The following IL1RAPL2 variants were observed in gnomAD, a reference collection of about 807,000 sequenced individuals.
IL1RAPL2 encodes the protein interleukin 1 receptor accessory protein like 2.
In IL1RAPL2, 3 loss-of-function variants were observed where a neutral mutation model predicts 44.1. That is an observed-to-expected ratio of 0.07 (90% CI 0.03 to 0.18). The LOEUF is 0.18. Among genes scored for constraint, IL1RAPL2 ranks in the 10% least tolerant of loss-of-function variants. The pLI is 1.00. For synonymous variants in IL1RAPL2, 181 were observed against 178.8 expected (o/e 1.01, Z -0.10); for missense variants, 391 against 496.4 (o/e 0.79, Z 2.02).
rs190343052 is a variant in IL1RAPL2 at position 105,688,156 on chromosome X, C to T, written c.773-29211C>T. On this transcript the variant is annotated intron_variant, in intron 6 of 10. Transcript: ENST00000372582. ...AACTAGAAGCATTCCCTTTGAAAAC[C>T]GGCACAAGACAAGGATGCCCTCTCT... Among the ~76,000 whole-genome samples the T allele has an allele frequency of 4.9e-3, 545 of 111,423 alleles. 8 individuals carry two copies. Among genetic ancestry groups the T allele is most frequent in the African/African-American group, 0.017 (516 of 30,621 alleles).
At chrX:105,422,705 C>CA (rs2035781770) in intron 5 of IL1RAPL2, among the ~76,000 whole-genome samples, 2 of 111,324 alleles carry the variant, frequency 1.8e-5, no homozygotes, top group Admixed American at 1.9e-4. Context: ...ACGTTTTAAG[C>CA]AAAAAGTCAA....
At chrX:105,564,151 C>G (rs887475177) in intron 6 of IL1RAPL2, among the ~76,000 whole-genome samples, 7 of 111,254 alleles carry the variant, frequency 6.3e-5, no homozygotes, top group African/African-American at 2.3e-4. Context: ...TATAAGGACA[C>G]TAATCCCATT....
At chrX:105,006,507 A>G (rs2030944691) in intron 2 of IL1RAPL2, among the ~76,000 whole-genome samples, 1 of 111,261 alleles carries the variant, frequency 9.0e-6, no homozygotes, top group African/African-American at 3.3e-5. Context: ...AAGCAACATC[A>G]GCTCCTTGTA....
chrX:105,627,907 G>A (rs2037464720), intron 6 of IL1RAPL2, among the ~76,000 whole-genome samples: 1 of 111,798 alleles, frequency 8.9e-6, no homozygotes, highest in South Asian at 3.8e-4. Context: ...TTCAGGAATG[G>A]CACCTAAATT....
chrX:105,566,350 A>G (rs1040003660), intron 6 of IL1RAPL2, among the ~76,000 whole-genome samples: 1 of 111,537 alleles, frequency 9.0e-6, no homozygotes, highest in African/African-American at 3.3e-5. Context: ...AACTGATGGC[A>G]TGTGTAGCAT....
intron 2 of IL1RAPL2, among the ~76,000 whole-genome samples, chrX:104,864,147 A>T (rs186304669): frequency 1.8e-5 from 2 of 112,164 alleles, no homozygotes; most frequent in Admixed American, 1.9e-4. Flanking sequence ...GCAAACTGGC[A>T]TTCACTTAAC....
intron 7 of IL1RAPL2, among the ~76,000 whole-genome samples, chrX:105,724,131 G>A (rs2038330692): frequency 9.0e-6 from 1 of 111,245 alleles, no homozygotes; most frequent in African/African-American, 3.3e-5. Flanking sequence ...TCAATTTCCT[G>A]TGCAGCAGCT....
At chrX:105,341,713 C>T (rs913024309) in intron 5 of IL1RAPL2, among the ~76,000 whole-genome samples, 7 of 111,412 alleles carry the variant, frequency 6.3e-5, no homozygotes, top group African/African-American at 2.3e-4. Context: ...AGGCGGATCA[C>T]GAGGTCAGGA....
chrX:104,887,907 G>A (rs12391899), intron 2 of IL1RAPL2, among the ~76,000 whole-genome samples: 6,314 of 111,327 alleles, frequency 0.057, 463 homozygotes, highest in African/African-American at 0.2. Flanking sequence ...CGCCCAGTTA[G>A]CAGAACTAGT....
At chrX:105,687,284 C>T (rs1425544849) in intron 6 of IL1RAPL2, among the ~76,000 whole-genome samples, 1 of 109,369 alleles carries the variant, frequency 9.1e-6, no homozygotes, top group African/African-American at 3.3e-5. Context: ...TCAATGAATC[C>T]AGGAGCTGGT....
intron 5 of IL1RAPL2, among the ~76,000 whole-genome samples, chrX:105,441,816 T>G (rs2035922302): frequency 9.0e-6 from 1 of 110,947 alleles, no homozygotes; most frequent in African/African-American, 3.3e-5. Context: ...TGAAGTTGAC[T>G]GTATAAATGT....
intron 2 of IL1RAPL2, among the ~76,000 whole-genome samples, chrX:105,145,855 C>A (rs1205203443): frequency 9.0e-6 from 1 of 111,448 alleles, no homozygotes; most frequent in African/African-American, 3.3e-5. Context: ...ACGTTTGTGT[C>A]CCCTCCAAAA....
intron 2 of IL1RAPL2, among the ~76,000 whole-genome samples, chrX:105,123,415 GTTAGCT>G (rs1376028804): frequency 1.8e-5 from 2 of 111,262 alleles, no homozygotes; most frequent in African/African-American, 3.3e-5. Flanking sequence ...ATTTGAACCA[GTTAGCT>G]TAAATCTATC....
chrX:105,251,502 A>T (rs1017080302), intron 4 of IL1RAPL2, among the ~76,000 whole-genome samples: 65 of 110,737 alleles, frequency 5.9e-4, no homozygotes, highest in African/African-American at 2.1e-3. Flanking sequence ...TGTGCCCTGA[A>T]ACCATAGTCA....
intron 2 of IL1RAPL2, among the ~76,000 whole-genome samples, chrX:104,830,444 T>C (rs1283213857): frequency 8.9e-6 from 1 of 111,889 alleles, no homozygotes; most frequent in Non-Finnish European, 1.9e-5. Flanking sequence ...AGTGTTTTTA[T>C]TCAAGATATA....
chrX:105,705,595 AAC>A (rs964755222), intron 6 of IL1RAPL2, among the ~76,000 whole-genome samples: 1 of 111,697 alleles, frequency 9.0e-6, no homozygotes, highest in African/African-American at 3.3e-5. Flanking sequence ...TTTATTTTAC[AAC>A]CTTCATACTG....
intron 5 of IL1RAPL2, among the ~76,000 whole-genome samples, chrX:105,398,834 A>C (rs1023651963): frequency 8.9e-6 from 1 of 111,962 alleles, no homozygotes; most frequent in African/African-American, 3.2e-5. Flanking sequence ...ATCTTCCTCT[A>C]GGGCAAGACT....
chrX:105,478,939 A>T (rs767872703), intron 5 of IL1RAPL2, among the ~76,000 whole-genome samples: 1 of 112,152 alleles, frequency 8.9e-6, no homozygotes, highest in South Asian at 3.7e-4. Flanking sequence ...GACAAGACAT[A>T]CCCATGTAAT....
At chrX:105,044,809 T>C (rs1367441474) in intron 2 of IL1RAPL2, among the ~76,000 whole-genome samples, 1 of 111,310 alleles carries the variant, frequency 9.0e-6, no homozygotes, top group East Asian at 2.9e-4. Context: ...ACTCAGGCTC[T>C]AGGCTTAGGA....
Sources: allele counts gnomAD v4.1 joint callset (sites outside exome capture counted in the v4.1 genomes callset), GRCh38; gene constraint gnomAD v4.1.1; transcripts MANE v1.5; gene names NCBI Gene and HGNC (gene_info 2026-07-23, HGNC 2026-07-21).